Variants in SHANK2 observed in about 807,000 individuals in gnomAD.
SHANK2 encodes SH3 and multiple ankyrin repeat domains protein 2.
Under a neutral mutation model 133.7 loss-of-function variants are expected in SHANK2, and 43 were observed. The observed-to-expected ratio is 0.32, with a 90% confidence interval of 0.25 to 0.41. The LOEUF (loss-of-function observed/expected upper bound fraction) is 0.41, where lower values mean the gene tolerates loss of function less well. SHANK2 is among the 10% of genes least tolerant of loss of function. The pLI, the probability that SHANK2 is intolerant of heterozygous loss-of-function variation, is 1.00. For missense variants in SHANK2, 1,994 were observed against 2,235.8 expected, an observed-to-expected ratio of 0.89 and a Z score of 2.18; for synonymous variants, 1,017 against 952.8, an observed-to-expected ratio of 1.07 and a Z score of -1.24.
intron 15 of SHANK2, among the ~76,000 whole-genome samples, chr11:70,687,897 G>A (rs953261968): frequency 9.2e-5 from 14 of 152,054 alleles, no homozygotes; most frequent in African/African-American, 3.4e-4. Flanking sequence ...ACCCACCACC[G>A]GTGTCCCCAC....
chr11:71,092,632 C>T (rs1392111246), intron 7 of SHANK2, 43 bp from the exon 8 acceptor site: 1 of 1,541,982 alleles, frequency 6.5e-7, no homozygotes, highest in East Asian at 2.5e-5. Flanking sequence ...GGTCTCATGA[C>T]CCCTTTTGCA....
intron 9 of SHANK2, among the ~76,000 whole-genome samples, chr11:71,074,354 C>T (rs972747722): frequency 6.6e-6 from 1 of 152,172 alleles, no homozygotes; most frequent in African/African-American, 2.4e-5. Flanking sequence ...GGCAGGCACA[C>T]CCAGCATGGT....
intron 2 of SHANK2, among the ~76,000 whole-genome samples, chr11:71,154,723 C>CG (rs1952866363): frequency 8.9e-6 from 1 of 112,940 alleles, no homozygotes; most frequent in Non-Finnish European, 1.8e-5. Flanking sequence ...GACCTACCCC[C>CG]ACCCACGCTC....
intron 21 of SHANK2, among the ~76,000 whole-genome samples, chr11:70,499,018 T>C (rs558353301): frequency 6.6e-6 from 1 of 152,364 alleles, no homozygotes; most frequent in Non-Finnish European, 1.5e-5. Context: ...CTGACTTTTG[T>C]TCCACATGGC....
chr11:70,789,562 G>A (rs1947742539), intron 14 of SHANK2, among the ~76,000 whole-genome samples: 1 of 152,192 alleles, frequency 6.6e-6, no homozygotes, highest in South Asian at 2.1e-4. Flanking sequence ...ATCCCATCAA[G>A]TCACTTCCTC....
chr11:71,125,500 C>A (rs1482067621), intron 3 of SHANK2, among the ~76,000 whole-genome samples: 15 of 152,222 alleles, frequency 9.9e-5, no homozygotes, highest in African/African-American at 1.4e-4. Flanking sequence ...TCATCCAGAG[C>A]AAGGCCCTGA....
chr11:70,512,129 A>G (rs528651132), intron 17 of SHANK2, among the ~76,000 whole-genome samples: 1 of 152,194 alleles, frequency 6.6e-6, no homozygotes, highest in African/African-American at 2.4e-5. Context: ...ATGTGGCACT[A>G]TGGTGATTTT....
intron 2 of SHANK2, among the ~76,000 whole-genome samples, chr11:71,201,456 C>CA (rs1954018644): frequency 6.6e-6 from 1 of 152,236 alleles, no homozygotes; most frequent in African/African-American, 2.4e-5. Context: ...CACTGCACTC[C>CA]AATGCCATGA....
chr11:71,085,317 G>A (rs1951363701), intron 8 of SHANK2, among the ~76,000 whole-genome samples: 1 of 150,870 alleles, frequency 6.6e-6, no homozygotes, highest in East Asian at 2.0e-4. Context: ...TTAGCTGGGC[G>A]TGGTGGCACA....
chr11:71,119,101 G>A (rs1472891164), intron 3 of SHANK2, 69 bp from the exon 4 acceptor site: 37 of 1,419,394 alleles, frequency 2.6e-5, no homozygotes, highest in South Asian at 3.9e-5. Flanking sequence ...TGTGGGGCGC[G>A]TGGTCAGAGA....
At chr11:70,537,435 G>A (rs1165612597) in intron 17 of SHANK2, among the ~76,000 whole-genome samples, 1 of 152,262 alleles carries the variant, frequency 6.6e-6, no homozygotes, top group African/African-American at 2.4e-5. Flanking sequence ...CAGAAGAGGA[G>A]GAGACACACA....
intron 14 of SHANK2, among the ~76,000 whole-genome samples, chr11:70,714,870 A>C (rs11607833): frequency 0.37 from 55,885 of 151,832 alleles, 11,273 homozygotes; most frequent in Non-Finnish European, 0.46. Flanking sequence ...CAGCAGTGCA[A>C]TCATAGCTCA....
chr11:70,643,523 G>A (rs1009982884), intron 17 of SHANK2, among the ~76,000 whole-genome samples: 2 of 146,486 alleles, frequency 1.4e-5, no homozygotes, highest in East Asian at 2.0e-4. Flanking sequence ...GAGATCACGC[G>A]CCACTGCACT....
intron 11 of SHANK2, among the ~76,000 whole-genome samples, chr11:70,868,544 C>T (rs1949408402): frequency 2.0e-5 from 3 of 152,212 alleles, no homozygotes; most frequent in Admixed American, 1.3e-4. Context: ...CAAAGTCACA[C>T]AGCCTGTGAA....
At chr11:70,476,751 G>A (rs948351286) in intron 25 of SHANK2, among the ~76,000 whole-genome samples, 3 of 152,192 alleles carry the variant, frequency 2.0e-5, no homozygotes, top group Non-Finnish European at 2.9e-5. Flanking sequence ...GTCTCCATGT[G>A]CTTTTGCTAA....
chr11:70,619,331 G>T (rs2060799458), intron 17 of SHANK2, among the ~76,000 whole-genome samples: 1 of 152,160 alleles, frequency 6.6e-6, no homozygotes, highest in Non-Finnish European at 1.5e-5. Flanking sequence ...TCTCAGCGAG[G>T]GTCCTTTCCT....
chr11:70,831,601 T>C (rs1590736922), intron 11 of SHANK2, among the ~76,000 whole-genome samples: 1 of 152,216 alleles, frequency 6.6e-6, no homozygotes, highest in Non-Finnish European at 1.5e-5. Flanking sequence ...AGCCCTTTAT[T>C]TGCCATGTCT....
chr11:70,934,923 G>A (rs1284311958), intron 10 of SHANK2, among the ~76,000 whole-genome samples: 3 of 152,090 alleles, frequency 2.0e-5, no homozygotes, highest in Admixed American at 1.3e-4. Flanking sequence ...CCAAAGCGAC[G>A]CAGCAGCCGT....
At chr11:70,869,356 T>C (rs931619575) in intron 11 of SHANK2, among the ~76,000 whole-genome samples, 2 of 152,172 alleles carry the variant, frequency 1.3e-5, no homozygotes, top group Non-Finnish European at 2.9e-5. Context: ...GGGAGGACAA[T>C]GTATCGGTCC....
Sources: allele counts gnomAD v4.1 joint callset (sites outside exome capture counted in the v4.1 genomes callset), GRCh38; gene constraint gnomAD v4.1.1; transcripts MANE v1.5; gene names NCBI Gene and HGNC (gene_info 2026-07-23, HGNC 2026-07-21).